The following BPNT2 variants were observed in gnomAD, a reference collection of about 807,000 sequenced individuals.
The protein encoded by BPNT2 is 3'(2'), 5'-bisphosphate nucleotidase 2.
Under a neutral mutation model 29.3 loss-of-function variants are expected in BPNT2, and 11 were observed. That is an observed-to-expected ratio of 0.38 (90% CI 0.24 to 0.62). The LOEUF (loss-of-function observed/expected upper bound fraction) is 0.62. Ranked by LOEUF, BPNT2 falls within the 20% of genes least tolerant of loss-of-function variation. BPNT2 has a pLI of 0.62. For missense variants in BPNT2, 459 were observed against 473.4 expected (o/e 0.97, Z 0.28); for synonymous variants, 195 against 187.7 (o/e 1.04, Z -0.32).
Position 56,958,021 on chromosome 8 carries a change from G to A in BPNT2, c.*5772C>T, listed in dbSNP as rs1222886213. The A allele has an allele frequency of 1.3e-5, 2 of 152,012 alleles. No homozygotes were observed. The highest frequency in any genetic ancestry group is 4.8e-5 in the African/African-American group (2 of 41,356). 9.4% of individuals were successfully genotyped at this position (152,012 alleles called of 1,614,324 possible). On this transcript the variant is annotated 3_prime_UTR_variant, in exon 5 of 5. Transcript: ENST00000262644. ...GAGAGTTTGGGATAATTATGTCATT[G>A]GAAGCAATCACATTATCTACAGCAA...
chr8:56,974,882 C>G (rs1422781429), intron 3 of BPNT2, among the ~76,000 whole-genome samples: 1 of 152,086 alleles, frequency 6.6e-6, no homozygotes, highest in East Asian at 1.9e-4. Context: ...TATCCCTATT[C>G]TTCCCTCTAA....
At chr8:56,989,102 C>T (rs1806370750) in intron 1 of BPNT2, among the ~76,000 whole-genome samples, 1 of 152,156 alleles carries the variant, frequency 6.6e-6, no homozygotes, top group Non-Finnish European at 1.5e-5. Context: ...GTTACATCTG[C>T]TATACCGCCT....
chr8:56,966,791 T>A (rs956945101), intron 3 of BPNT2, among the ~76,000 whole-genome samples: 2 of 152,212 alleles, frequency 1.3e-5, no homozygotes, highest in Non-Finnish European at 2.9e-5. Context: ...ACCTGCAACA[T>A]AAGCACAAGT....
rs1805815355 is a variant in BPNT2 at position 56,960,538 on chromosome 8, C to G, written c.*3255G>C. The G allele has an allele frequency of 6.6e-6, 1 of 152,126 alleles. No individual in the cohort carries two copies. Among genetic ancestry groups the G allele is most frequent in the East Asian group, 1.9e-4 (1 of 5,190 alleles). The allele number at this position is 152,126 out of a possible 1,614,324, so 9.4% of individuals were successfully genotyped here. ...TACTTCATTATATAGTATAAACAAT[C>G]AACTGAATAATTACTGATTTAAAAT... On this transcript the variant is annotated 3_prime_UTR_variant, in exon 5 of 5. Transcript: ENST00000262644.
At chr8:56,967,177 T>C (rs1453223028) in intron 3 of BPNT2, 2 of 456,276 alleles carry the variant, frequency 4.4e-6, no homozygotes, top group South Asian at 1.5e-5. Context: ...TAGTCCACCA[T>C]GGCTAGTAAT....
intron 3 of BPNT2, among the ~76,000 whole-genome samples, chr8:56,970,589 T>C (rs1481333304): frequency 6.6e-6 from 1 of 152,198 alleles, no homozygotes; most frequent in Non-Finnish European, 1.5e-5. Context: ...CAATCAGCTG[T>C]AAAATCCATT....
In BPNT2 at chr8:56,986,591, A is replaced by G. The variant is rs538719632; in HGVS notation, c.388-6394T>C. Among the ~76,000 whole-genome samples, 38 of 152,338 alleles carry G rather than the reference A, an allele frequency of 2.5e-4. 2 individuals carry two copies. In the South Asian group the frequency reaches 6.2e-3, roughly 25 times the overall value. On this transcript the variant is annotated intron_variant, in intron 1 of 4. Transcript: ENST00000262644. ...GTGAATTGAGAAGCATTTGTACTGC[A>G]TAAGTTGAAAATATCTGAAGTCAAA...
intron 3 of BPNT2, chr8:56,967,004 T>C (rs1805963650): frequency 8.4e-6 from 3 of 358,670 alleles, no homozygotes; most frequent in South Asian, 6.6e-5. Context: ...CAAAATAGAA[T>C]AGAATTTTTA....
rs536940717 is a variant in BPNT2 at position 56,968,312 on chromosome 8, T to C, written c.647-1960A>G. Among the ~76,000 whole-genome samples the C allele has an allele frequency of 1.6e-3, 226 of 144,160 alleles. 2 individuals carry two copies. The highest frequency in any genetic ancestry group is 5.6e-3 in the African/African-American group (219 of 38,816). The allele number at this position is 144,160 out of a possible 152,430, so 94.6% of individuals were successfully genotyped here. A position where few individuals can be genotyped will look rare whatever the true frequency, so the allele number is the denominator to read the frequency against. ...AGGGCAACAGACTTCTCCAAAAGTA[T>C]AGCAAGCAATGAGAAAAGCAAAAAG... On this transcript the variant is annotated intron_variant, in intron 3 of 4. Coordinates refer to ENST00000262644, the MANE Select transcript of BPNT2 (RefSeq NM_017813.5).
At chr8:56,964,800 A>G (rs753325396) in intron 4 of BPNT2, among the ~76,000 whole-genome samples, 1 of 152,198 alleles carries the variant, frequency 6.6e-6, no homozygotes, top group Non-Finnish European at 1.5e-5. Context: ...TAACAGTAAC[A>G]CTACCACTCT....
intron 1 of BPNT2, among the ~76,000 whole-genome samples, chr8:56,987,339 A>G (rs1806341837): frequency 6.6e-6 from 1 of 152,200 alleles, no homozygotes; most frequent in African/African-American, 2.4e-5. Flanking sequence ...TCTGGATAAG[A>G]TTAGCATTTG....
intron 1 of BPNT2, among the ~76,000 whole-genome samples, chr8:56,992,337 G>A (rs1323041680): frequency 1.3e-5 from 2 of 152,110 alleles, no homozygotes; most frequent in Admixed American, 6.5e-5. Context: ...GCTACGCTAT[G>A]CTGAGCTCTT....
intron 3 of BPNT2, 32 bp downstream of exon 3, chr8:56,978,018 A>G: frequency 3.2e-6 from 4 of 1,267,972 alleles, no homozygotes; most frequent in Non-Finnish European, 3.5e-6. Flanking sequence ...TTCAATAACA[A>G]TAATTCTTGA....
At position 56,993,615 on chromosome 8, in the gene BPNT2, G is replaced by T; in HGVS notation, c.-30C>A. The T allele has an allele frequency of 7.3e-7, 1 of 1,371,148 alleles. No individual in the cohort carries two copies. Among genetic ancestry groups the T allele is most frequent in the Non-Finnish European group, 9.5e-7 (1 of 1,056,994 alleles). The allele number at this position is 1,371,148 out of a possible 1,614,324, so 84.9% of individuals were successfully genotyped here. A position where few individuals can be genotyped will look rare whatever the true frequency, so the allele number is the denominator to read the frequency against. On this transcript the variant is annotated 5_prime_UTR_variant, in exon 1 of 5. Transcript: ENST00000262644. ...TGGGAAGCCGGGCGCTCCGGGCTGC[G>T]GCTCTCACAGGCCTCCAGCGCCCGC...
chr8:56,959,673 A>T lies in BPNT2; in HGVS notation c.*4120T>A, dbSNP rs1805795794. The T allele has an allele frequency of 6.6e-6, 1 of 152,192 alleles. No homozygotes were observed. Among genetic ancestry groups the T allele is most frequent in the Admixed American group, 6.5e-5 (1 of 15,286 alleles). The allele number at this position is 152,192 out of a possible 1,614,324, so 9.4% of individuals were successfully genotyped here. ...ATTAAAATTAAAAATCAAAAGATGA[A>T]ATATTATTTCAGACCTATATACATC... On this transcript the variant is annotated 3_prime_UTR_variant, in exon 5 of 5. Transcript: ENST00000262644.
chr8:56,978,334 T>C (rs1179459016), intron 2 of BPNT2, among the ~76,000 whole-genome samples, 189 bp from the exon 3 acceptor site: 1 of 152,136 alleles, frequency 6.6e-6, no homozygotes, highest in Non-Finnish European at 1.5e-5. Context: ...ACAGTTCTGG[T>C]TCACGATGAG....
At chr8:56,965,756 T>G (rs568754858) in intron 4 of BPNT2, among the ~76,000 whole-genome samples, 1 of 152,318 alleles carries the variant, frequency 6.6e-6, no homozygotes, top group South Asian at 2.1e-4. Context: ...GTTAAAGAGT[T>G]CAGGGGTGTT....
chr8:56,965,719 C>A (rs1012838731), intron 4 of BPNT2, among the ~76,000 whole-genome samples: 1 of 152,046 alleles, frequency 6.6e-6, no homozygotes, highest in African/African-American at 2.4e-5. Context: ...TGCGCACTAG[C>A]CTCTCTTGCT....
At chr8:56,980,320 C>A (rs1404669657) in intron 1 of BPNT2, 123 bp from the exon 2 acceptor site, 4 of 768,582 alleles carry the variant, frequency 5.2e-6, no homozygotes, top group African/African-American at 3.5e-5. Flanking sequence ...ATTTTTATTT[C>A]TTTTGATGCT....
Sources: allele counts gnomAD v4.1 joint callset (sites outside exome capture counted in the v4.1 genomes callset), GRCh38; gene constraint gnomAD v4.1.1; transcripts MANE v1.5; gene names NCBI Gene and HGNC (gene_info 2026-07-23, HGNC 2026-07-21).